Variants in PAPPA2 observed in about 807,000 individuals in gnomAD.
PAPPA2 encodes pappalysin 2.
Under a neutral mutation model 176.4 loss-of-function variants are expected in PAPPA2, and 86 were observed. That is an observed-to-expected ratio of 0.49 (90% confidence interval 0.41 to 0.58). The LOEUF is 0.58. Ranked by LOEUF, PAPPA2 falls within the 20% of genes least tolerant of loss-of-function variation. PAPPA2 has a pLI of 0.00. For synonymous variants in PAPPA2, 809 were observed against 852.2 expected, an observed-to-expected ratio of 0.95 and a Z score of 0.88; for missense variants, 2,073 against 2,256.9, an observed-to-expected ratio of 0.92 and a Z score of 1.65.
chr1:176,468,086 T>G (rs1254121672), intron 1 of PAPPA2, among the ~76,000 whole-genome samples: 1 of 152,152 alleles, frequency 6.6e-6, no homozygotes, highest in Admixed American at 6.5e-5. Flanking sequence ...AAAACTCCAT[T>G]TATCTCAAGG....
chr1:176,757,424 T>C (rs989969523), intron 14 of PAPPA2, among the ~76,000 whole-genome samples: 15 of 152,332 alleles, frequency 9.8e-5, no homozygotes, highest in African/African-American at 3.1e-4. Flanking sequence ...TGGTATCTCA[T>C]TGTGGTTTTG....
Position 176,784,442 on chromosome 1 carries a change from G to A in PAPPA2, c.4716-5367G>A, listed in dbSNP as rs961460761. ...TCAGTCCATCCATTGCTGTGTCTCA[G>A]TCAGTTTGAGCTGCCATAACAGAAC... On this transcript the variant is annotated intron_variant, in intron 17 of 22. Transcript: ENST00000367662. 5.3e-5 allele frequency among the ~76,000 whole-genome samples: 8 copies of A among 152,250 alleles called. 1 individual carries two copies. The highest frequency in any genetic ancestry group is 1.4e-4 in the African/African-American group (6 of 41,538).
chr1:176,744,059 C>A (rs1662798798), intron 14 of PAPPA2, among the ~76,000 whole-genome samples: 1 of 152,242 alleles, frequency 6.6e-6, no homozygotes, highest in South Asian at 2.1e-4. Flanking sequence ...TGGTGTCAAC[C>A]TTTTATGCAA....
At chr1:176,625,914 T>C (rs990783922) in intron 3 of PAPPA2, among the ~76,000 whole-genome samples, 2 of 152,006 alleles carry the variant, frequency 1.3e-5, no homozygotes, top group African/African-American at 4.8e-5. Flanking sequence ...TCGAAGCTAC[T>C]TGGGAGACTG....
chr1:176,620,923 C>T (rs1289554014), intron 3 of PAPPA2, among the ~76,000 whole-genome samples: 1 of 152,086 alleles, frequency 6.6e-6, no homozygotes, highest in Non-Finnish European at 1.5e-5. Flanking sequence ...TTTTTATGGA[C>T]TCTATACTAA....
At chr1:176,840,376 A>C in intron 22 of PAPPA2, 105 bp downstream of exon 22, 1 of 863,410 alleles carries the variant, frequency 1.2e-6, no homozygotes, top group Non-Finnish European at 1.9e-6. Context: ...TTTGTATTCA[A>C]CAATTAGGAG....
chr1:176,742,282 C>T (rs1662718585), intron 14 of PAPPA2, among the ~76,000 whole-genome samples: 1 of 151,662 alleles, frequency 6.6e-6, no homozygotes, highest in African/African-American at 2.4e-5. Context: ...TCTCTAAATG[C>T]TCCATGAACA....
chr1:176,503,319 G>A (rs988797629), intron 1 of PAPPA2, among the ~76,000 whole-genome samples: 14 of 152,100 alleles, frequency 9.2e-5, no homozygotes, highest in African/African-American at 3.4e-4. Flanking sequence ...TGATTACAGT[G>A]AACTCACCTG....
chr1:176,566,099 G>C (rs529762947), intron 2 of PAPPA2, among the ~76,000 whole-genome samples: 1 of 152,188 alleles, frequency 6.6e-6, no homozygotes, highest in African/African-American at 2.4e-5. Flanking sequence ...AAGAGAAACC[G>C]AGGGGAGAAG....
At chr1:176,682,850 G>A (rs1050315096) in intron 4 of PAPPA2, among the ~76,000 whole-genome samples, 3 of 151,974 alleles carry the variant, frequency 2.0e-5, no homozygotes, top group African/African-American at 4.8e-5. Flanking sequence ...ATGTTTTGAG[G>A]AGCAGAGTTT....
chr1:176,518,048 C>T lies in PAPPA2; in HGVS notation c.-916-37359C>T, dbSNP rs577521101. Among the ~76,000 whole-genome samples the T allele has an allele frequency of 1.1e-4, 17 of 152,254 alleles. No individual in the cohort carries two copies. In the South Asian group the frequency reaches 3.3e-3, roughly 30 times the overall value. On this transcript the variant is annotated intron_variant, in intron 1 of 22. Transcript: ENST00000367662. ...TAGTGACCAACTGTCTAACCCCCTT[C>T]ATTTTAGAGAGCTTGAAACAGGCCA...
At chr1:176,826,999 G>T (rs1163523500) in intron 21 of PAPPA2, among the ~76,000 whole-genome samples, 1 of 152,226 alleles carries the variant, frequency 6.6e-6, no homozygotes, top group Non-Finnish European at 1.5e-5. Context: ...AGTGCATCAT[G>T]ATTTGAACAG....
chr1:176,581,228 G>A (rs769672094), intron 2 of PAPPA2, among the ~76,000 whole-genome samples: 9 of 151,956 alleles, frequency 5.9e-5, no homozygotes, highest in African/African-American at 2.2e-4. Flanking sequence ...TTTCCCTTCC[G>A]CAATCAATGT....
intron 2 of PAPPA2, among the ~76,000 whole-genome samples, chr1:176,574,843 T>C (rs1355829579): frequency 6.6e-6 from 1 of 152,238 alleles, no homozygotes; most frequent in Non-Finnish European, 1.5e-5. Flanking sequence ...TAGGTATGTT[T>C]AGATACACAA....
In PAPPA2 at chr1:176,623,608, TTCCTTC is replaced by T. The variant is rs1180782626; in HGVS notation, c.1991+28014_1991+28019del. Among the ~76,000 whole-genome samples, 470 of 144,214 alleles carry T rather than the reference TTCCTTC, an allele frequency of 3.3e-3. 1 individual carries two copies. The highest frequency in any genetic ancestry group is 4.9e-3 in the Non-Finnish European group (323 of 66,150). 94.6% of individuals were successfully genotyped at this position (144,214 alleles called of 152,430 possible). ...CTTCCTTCCTTCCTTCCTTCCTTCC[TTCCTTC>T]CTTCCTTCCTTTTTTACTTTCTTTC... On this transcript the variant is annotated intron_variant, in intron 3 of 22. Transcript: ENST00000367662.
intron 17 of PAPPA2, among the ~76,000 whole-genome samples, chr1:176,771,832 T>G (rs1488484420): frequency 6.6e-6 from 1 of 152,194 alleles, no homozygotes; most frequent in Non-Finnish European, 1.5e-5. Flanking sequence ...AAAAGCTTTA[T>G]AATGTAATTT....
chr1:176,585,834 G>T (rs1379474339), intron 2 of PAPPA2, among the ~76,000 whole-genome samples: 1 of 151,658 alleles, frequency 6.6e-6, no homozygotes, highest in Non-Finnish European at 1.5e-5. Flanking sequence ...ATATCTGTTT[G>T]GTTCTTTTGT....
intron 1 of PAPPA2, among the ~76,000 whole-genome samples, chr1:176,479,826 A>G (rs1034223043): frequency 6.6e-6 from 1 of 152,220 alleles, no homozygotes; most frequent in Admixed American, 6.5e-5. Flanking sequence ...CATGCAAGGT[A>G]AAATACACTA....
At chr1:176,586,995 G>A (rs1653355458) in intron 2 of PAPPA2, among the ~76,000 whole-genome samples, 1 of 152,182 alleles carries the variant, frequency 6.6e-6, no homozygotes, top group Admixed American at 6.5e-5. Context: ...CTAACTGGCA[G>A]GAGATGGTGT....
Sources: allele counts gnomAD v4.1 joint callset (sites outside exome capture counted in the v4.1 genomes callset), GRCh38; gene constraint gnomAD v4.1.1; transcripts MANE v1.5; gene names NCBI Gene and HGNC (gene_info 2026-07-23, HGNC 2026-07-21).